The following SIL1 variants were observed in gnomAD, a reference collection of about 807,000 sequenced individuals.
SIL1 encodes the protein SIL1 nucleotide exchange factor.
A neutral mutation model predicts 49.1 loss-of-function variants in SIL1; 40 were observed. That is an observed-to-expected ratio of 0.81 (90% CI 0.63 to 1.06). The LOEUF (loss-of-function observed/expected upper bound fraction) is 1.06, where lower values mean the gene tolerates loss of function less well. Among genes scored for constraint, SIL1 ranks in the 50% least tolerant of loss-of-function variants. SIL1 has a pLI of 0.00. For synonymous variants in SIL1, 253 were observed against 250.8 expected (o/e 1.01, Z -0.08); for missense variants, 500 against 572.6 (o/e 0.87, Z 1.29).
At chr5:139,071,359 G>A (rs992503534) in intron 3 of SIL1, among the ~76,000 whole-genome samples, 1 of 152,098 alleles carries the variant, frequency 6.6e-6, no homozygotes. Flanking sequence ...AGCAATTATT[G>A]TAAAAATCAG....
chr5:139,196,966 T>C (rs1752286991), intron 1 of SIL1, among the ~76,000 whole-genome samples: 1 of 151,540 alleles, frequency 6.6e-6, no homozygotes, highest in African/African-American at 2.4e-5. Context: ...TTTCACAATG[T>C]CAAAAAAAAA....
At chr5:139,015,699 T>C (rs1161936707) in intron 7 of SIL1, among the ~76,000 whole-genome samples, 1 of 152,216 alleles carries the variant, frequency 6.6e-6, no homozygotes, top group Admixed American at 6.5e-5. Flanking sequence ...CTCCTTACTA[T>C]GTTATTATAA....
intron 1 of SIL1, among the ~76,000 whole-genome samples, chr5:139,182,134 G>GC (rs1312911289): frequency 4.6e-5 from 7 of 152,206 alleles, no homozygotes; most frequent in African/African-American, 1.7e-4. Context: ...GGCAGTAGTA[G>GC]CCCGGGGGGC....
chr5:139,038,551 AT>A (rs1330086889), intron 5 of SIL1, among the ~76,000 whole-genome samples: 1 of 152,180 alleles, frequency 6.6e-6, no homozygotes, highest in African/African-American at 2.4e-5. Context: ...AGTTTCTTGT[AT>A]GGGTCACTGA....
chr5:138,958,460 G>A (rs1467509783), intron 7 of SIL1, among the ~76,000 whole-genome samples: 2 of 152,132 alleles, frequency 1.3e-5, no homozygotes, highest in East Asian at 1.9e-4. Context: ...AATATTTTGT[G>A]GGGAGACACT....
intron 7 of SIL1, among the ~76,000 whole-genome samples, chr5:138,967,971 A>C (rs768710014): frequency 2.6e-5 from 4 of 152,186 alleles, no homozygotes; most frequent in Non-Finnish European, 4.4e-5. Context: ...AAGACGACTA[A>C]GGGAGAAGGC....
Position 138,946,800 on chromosome 5 carries a change from G to A in SIL1, c.*317C>T, listed in dbSNP as rs1328326887. 2 of 431,720 alleles carry A rather than the reference G, an allele frequency of 4.6e-6. No individual in the cohort carries two copies. Among genetic ancestry groups the A allele is most frequent in the Non-Finnish European group, 8.6e-6 (2 of 231,348 alleles). 26.7% of individuals were successfully genotyped at this position (431,720 alleles called of 1,614,324 possible). Reference sequence around the variant, plus strand: ...CAGAGCAATTAAGCGACTTCCCAAGGTACAGAGCTGCTGCTTGGTAAGAAG... The same window carrying A: ...CAGAGCAATTAAGCGACTTCCCAAGATACAGAGCTGCTGCTTGGTAAGAAG... On this transcript the variant is annotated 3_prime_UTR_variant, in exon 10 of 10. Coordinates refer to ENST00000394817, the MANE Select transcript of SIL1 (RefSeq NM_022464.5).
intron 1 of SIL1, among the ~76,000 whole-genome samples, chr5:139,189,324 G>C (rs1474080074): frequency 1.3e-5 from 2 of 152,160 alleles, no homozygotes; most frequent in African/African-American, 4.8e-5. Flanking sequence ...GGCAGCATTA[G>C]ATTCTCATAG....
intron 1 of SIL1, among the ~76,000 whole-genome samples, chr5:139,140,729 A>G (rs1355544238): frequency 6.6e-6 from 1 of 152,176 alleles, no homozygotes; most frequent in African/African-American, 2.4e-5. Context: ...CAAGAAACAA[A>G]GAAACCTAAA....
chr5:139,000,552 G>T (rs1767962310), intron 7 of SIL1, among the ~76,000 whole-genome samples: 1 of 151,912 alleles, frequency 6.6e-6, no homozygotes, highest in Non-Finnish European at 1.5e-5. Context: ...TTGGCCACAT[G>T]ATAAAAACTA....
chr5:139,123,484 A>G (rs1294857659), intron 2 of SIL1, among the ~76,000 whole-genome samples: 1 of 152,204 alleles, frequency 6.6e-6, no homozygotes, highest in African/African-American at 2.4e-5. Flanking sequence ...TAGACTGAGG[A>G]AAGCCCAAAG....
intron 3 of SIL1, among the ~76,000 whole-genome samples, chr5:139,109,693 GTT>G (rs1457340405): frequency 1.3e-4 from 13 of 96,336 alleles, no homozygotes; most frequent in African/African-American, 4.8e-4. Context: ...ACAAGGGGAT[GTT>G]AAAAAAAAAA....
chr5:139,163,440 T>TCA (rs1430894216), intron 1 of SIL1, among the ~76,000 whole-genome samples: 2 of 151,946 alleles, frequency 1.3e-5, no homozygotes, highest in African/African-American at 4.8e-5. Flanking sequence ...CACCATCTCG[T>TCA]CTCATTGCAA....
intron 3 of SIL1, among the ~76,000 whole-genome samples, chr5:139,061,080 C>T (rs1315839919): frequency 6.6e-6 from 1 of 152,186 alleles, no homozygotes; most frequent in Non-Finnish European, 1.5e-5. Context: ...AAAAGGCAAA[C>T]AAAACATATG....
chr5:138,963,740 T>C (rs1004869112), intron 7 of SIL1, among the ~76,000 whole-genome samples: 2 of 152,230 alleles, frequency 1.3e-5, no homozygotes, highest in African/African-American at 4.8e-5. Flanking sequence ...TTAAGAACAA[T>C]TAGTTCTAGT....
At chr5:139,083,186 G>T (rs1183572548) in intron 3 of SIL1, among the ~76,000 whole-genome samples, 6 of 152,254 alleles carry the variant, frequency 3.9e-5, no homozygotes, top group Non-Finnish European at 8.8e-5. Flanking sequence ...ACCTGCCACT[G>T]GGAGAAACTA....
At chr5:139,003,910 A>G (rs1027501183) in intron 7 of SIL1, among the ~76,000 whole-genome samples, 16 of 152,246 alleles carry the variant, frequency 1.1e-4, no homozygotes, top group African/African-American at 3.9e-4. Flanking sequence ...AATAACTCCA[A>G]CTTTGGGAAG....
intron 3 of SIL1, among the ~76,000 whole-genome samples, chr5:139,084,801 A>T (rs868330935): frequency 1.4e-4 from 21 of 148,524 alleles, no homozygotes; most frequent in South Asian, 6.3e-4. Context: ...AAAAATAAAT[A>T]AAAAAAAATA....
chr5:138,980,175 C>A (rs1767484137), intron 7 of SIL1, among the ~76,000 whole-genome samples: 1 of 152,218 alleles, frequency 6.6e-6, no homozygotes, highest in South Asian at 2.1e-4. Context: ...ATAAAGTTGA[C>A]AGATATTAGG....
Sources: allele counts gnomAD v4.1 joint callset (sites outside exome capture counted in the v4.1 genomes callset), GRCh38; gene constraint gnomAD v4.1.1; transcripts MANE v1.5; gene names NCBI Gene and HGNC (gene_info 2026-07-23, HGNC 2026-07-21).